Variants in PTPRM observed in about 807,000 individuals in gnomAD.
PTPRM encodes receptor-type tyrosine-protein phosphatase mu.
PTPRM carries 47 observed loss-of-function variants against 186.7 expected under a neutral mutation model. The ratio of observed to expected loss-of-function variants is 0.25; its 90% CI spans 0.20 to 0.32. PTPRM has a LOEUF of 0.32. Among genes scored for constraint, PTPRM ranks in the 10% least tolerant of loss-of-function variants. The pLI is 1.00. For missense variants in PTPRM, 1,494 were observed against 1,865.0 expected, an observed-to-expected ratio of 0.80 and a Z score of 3.66; for synonymous variants, 668 against 674.9, an observed-to-expected ratio of 0.99 and a Z score of 0.16.
At chr18:7,936,013 C>T (rs1258317729) in intron 5 of PTPRM, among the ~76,000 whole-genome samples, 2 of 152,188 alleles carry the variant, frequency 1.3e-5, no homozygotes, top group Non-Finnish European at 2.9e-5. Context: ...GCGGAAGGTT[C>T]ACTTGCTCTT....
At chr18:7,780,585 A>G (rs1270693137) in intron 2 of PTPRM, among the ~76,000 whole-genome samples, 2 of 152,156 alleles carry the variant, frequency 1.3e-5, no homozygotes, top group South Asian at 2.1e-4. Flanking sequence ...TATCTGTAAA[A>G]TATTAGTAAT....
intron 7 of PTPRM, among the ~76,000 whole-genome samples, chr18:8,003,647 C>T (rs1483338800): frequency 6.6e-6 from 1 of 152,204 alleles, no homozygotes; most frequent in Non-Finnish European, 1.5e-5. Flanking sequence ...AAAGTCATAG[C>T]TGTGGCTTAA....
intron 5 of PTPRM, among the ~76,000 whole-genome samples, chr18:7,945,437 C>T (rs1023303240): frequency 1.3e-5 from 2 of 151,618 alleles, no homozygotes; most frequent in Non-Finnish European, 2.9e-5. Context: ...TGCACTCCAG[C>T]CTGGGCAGCC....
intron 7 of PTPRM, among the ~76,000 whole-genome samples, chr18:7,965,164 G>T (rs574256629): frequency 6.6e-6 from 1 of 151,384 alleles, no homozygotes; most frequent in East Asian, 1.9e-4. Flanking sequence ...TTCTGTGTCA[G>T]CCCCCCAAGT....
At chr18:8,350,033 G>A (rs1290454824) in intron 23 of PTPRM, among the ~76,000 whole-genome samples, 1 of 152,190 alleles carries the variant, frequency 6.6e-6, no homozygotes, top group Non-Finnish European at 1.5e-5. Context: ...AAGGTTCAGG[G>A]CCTGTCGGGG....
At chr18:7,932,651 TAGTCTC>T in intron 5 of PTPRM, among the ~76,000 whole-genome samples, 1 of 152,310 alleles carries the variant, frequency 6.6e-6, no homozygotes, top group East Asian at 1.9e-4. Context: ...TTTAACCTGA[TAGTCTC>T]AGATTTACTG....
chr18:7,989,001 T>A (rs1432103099), intron 7 of PTPRM, among the ~76,000 whole-genome samples: 1 of 152,184 alleles, frequency 6.6e-6, no homozygotes, highest in African/African-American at 2.4e-5. Context: ...CAAATAACTA[T>A]TGCTAAGGTT....
At chr18:8,035,335 G>GA (rs902067099) in intron 7 of PTPRM, among the ~76,000 whole-genome samples, 6 of 152,056 alleles carry the variant, frequency 3.9e-5, no homozygotes, top group Non-Finnish European at 7.4e-5. Flanking sequence ...AAATCATGCA[G>GA]AAAAAATATA....
At chr18:8,300,268 G>C (rs1047870962) in intron 20 of PTPRM, among the ~76,000 whole-genome samples, 1 of 152,160 alleles carries the variant, frequency 6.6e-6, no homozygotes, top group African/African-American at 2.4e-5. Flanking sequence ...AGGTCGTAGG[G>C]TTTGGAGATA....
intron 1 of PTPRM, among the ~76,000 whole-genome samples, chr18:7,575,099 T>G (rs2143401460): frequency 6.6e-6 from 1 of 152,384 alleles, no homozygotes; most frequent in South Asian, 2.1e-4. Context: ...ATGTGTATCC[T>G]AAAATTGAGC....
At chr18:7,988,329 T>A (rs1341730705) in intron 7 of PTPRM, among the ~76,000 whole-genome samples, 1 of 152,196 alleles carries the variant, frequency 6.6e-6, no homozygotes, top group Non-Finnish European at 1.5e-5. Flanking sequence ...TAGTTTATGG[T>A]TTTAAAATTA....
chr18:8,244,412 G>C (rs748184232), intron 15 of PTPRM, among the ~76,000 whole-genome samples: 1 of 152,120 alleles, frequency 6.6e-6, no homozygotes, highest in Non-Finnish European at 1.5e-5. Flanking sequence ...AGATCAGAGA[G>C]TCCAGAAAAC....
intron 12 of PTPRM, 32 bp downstream of exon 12, chr18:8,113,791 T>G (rs757329845): frequency 6.4e-7 from 1 of 1,567,690 alleles, no homozygotes; most frequent in Non-Finnish European, 8.7e-7. Context: ...TTACTTAGGC[T>G]ATTTGGGGTT....
At chr18:8,334,685 T>A (rs770265013) in intron 22 of PTPRM, among the ~76,000 whole-genome samples, 1 of 152,258 alleles carries the variant, frequency 6.6e-6, no homozygotes, top group Non-Finnish European at 1.5e-5. Context: ...GACCATCTTT[T>A]TGTTCACTGT....
intron 2 of PTPRM, among the ~76,000 whole-genome samples, chr18:7,872,190 A>G (rs912522592): frequency 6.6e-6 from 1 of 152,178 alleles, no homozygotes; most frequent in African/African-American, 2.4e-5. Flanking sequence ...GTGGTGTAAA[A>G]GAACCACCGT....
chr18:8,163,753 T>A (rs2093272545), intron 14 of PTPRM, among the ~76,000 whole-genome samples: 1 of 152,226 alleles, frequency 6.6e-6, no homozygotes, highest in Non-Finnish European at 1.5e-5. Context: ...ACAGATCTGA[T>A]TATGTGCAGT....
chr18:8,223,601 AC>A (rs2094179660), intron 14 of PTPRM, among the ~76,000 whole-genome samples: 1 of 152,168 alleles, frequency 6.6e-6, no homozygotes, highest in Non-Finnish European at 1.5e-5. Context: ...ATCACCAGCC[AC>A]CAGCGCAGTC....
chr18:8,071,495 T>C (rs1271169423), intron 8 of PTPRM, among the ~76,000 whole-genome samples: 3 of 152,238 alleles, frequency 2.0e-5, no homozygotes, highest in Non-Finnish European at 4.4e-5. Flanking sequence ...TGTATTTTCA[T>C]CTTGGCTGTC....
chr18:7,884,437 T>C (rs1030516779), intron 2 of PTPRM, among the ~76,000 whole-genome samples: 1 of 152,112 alleles, frequency 6.6e-6, no homozygotes, highest in Non-Finnish European at 1.5e-5. Context: ...GAGTGCTGCT[T>C]AATTGATTTC....
Sources: gnomAD v4.1 joint callset for allele counts (sites outside exome capture counted in the v4.1 genomes callset) on GRCh38, gnomAD v4.1.1 for gene constraint, MANE v1.5 for transcripts, NCBI Gene and HGNC (gene_info 2026-07-23, HGNC 2026-07-21) for gene names.